Variants in XPOT observed in about 807,000 individuals in gnomAD.
The protein encoded by XPOT is exportin-T.
A neutral mutation model predicts 128.2 loss-of-function variants in XPOT; 34 were observed. The observed-to-expected ratio is 0.27, with a 90% confidence interval of 0.20 to 0.35. The LOEUF is 0.35. Among genes scored for constraint, XPOT ranks in the 10% least tolerant of loss-of-function variants. The pLI is 1.00. For missense variants in XPOT, 838 were observed against 1,125.3 expected (o/e 0.74, Z 3.65); for synonymous variants, 348 against 394.3 (o/e 0.88, Z 1.39).
rs772762082 is a variant in XPOT at position 64,409,991 on chromosome 12, G to C, written c.-45G>C. On this transcript the variant is annotated 5_prime_UTR_variant, in exon 2 of 25. Transcript: ENST00000332707. ...TTATAAATTCTTCTGTGGGATCAGA[G>C]GGCACGCCTATTACAACCAGAAAAC... The C allele has an allele frequency of 6.5e-7, 1 of 1,535,386 alleles. No homozygotes were observed. Among genetic ancestry groups the C allele is most frequent in the Non-Finnish European group, 9.0e-7 (1 of 1,110,406 alleles).
At chr12:64,429,612 T>C (rs2040221368) in intron 16 of XPOT, among the ~76,000 whole-genome samples, 1 of 152,086 alleles carries the variant, frequency 6.6e-6, no homozygotes, top group Non-Finnish European at 1.5e-5. Flanking sequence ...AGCTAATTTT[T>C]GTATTTTTAG....
At chr12:64,438,814 G>C (rs1420225818) in intron 22 of XPOT, among the ~76,000 whole-genome samples, 1 of 151,942 alleles carries the variant, frequency 6.6e-6, no homozygotes, top group African/African-American at 2.4e-5. Context: ...ATTTTTGGTA[G>C]AAACAGGGTT....
At chr12:64,443,932 C>T (rs2040347215) in intron 23 of XPOT, among the ~76,000 whole-genome samples, 1 of 152,076 alleles carries the variant, frequency 6.6e-6, no homozygotes, top group African/African-American at 2.4e-5. Flanking sequence ...TGTAAATAAA[C>T]TCATATTTTA....
chr12:64,418,248 GCT>G (rs1417666991), intron 5 of XPOT, 133 bp downstream of exon 5: 8 of 686,604 alleles, frequency 1.2e-5, no homozygotes, highest in Non-Finnish European at 1.9e-5. Context: ...TTTAAAAGGT[GCT>G]GGTTTTAAAG....
chr12:64,435,553 G>C, intron 21 of XPOT, 74 bp from the exon 22 acceptor site: 1 of 1,274,130 alleles, frequency 7.8e-7, no homozygotes, highest in Non-Finnish European at 1.1e-6. Flanking sequence ...GCAGTGGCCA[G>C]GGTAGTAAAG....
At chr12:64,408,699 A>C (rs1262788447) in intron 1 of XPOT, among the ~76,000 whole-genome samples, 2 of 151,586 alleles carry the variant, frequency 1.3e-5, no homozygotes, top group Admixed American at 6.6e-5. Flanking sequence ...TTTGAGATGG[A>C]ATCTCACTCT....
intron 18 of XPOT, 129 bp downstream of exon 18, chr12:64,431,952 A>G: frequency 1.1e-6 from 1 of 901,646 alleles, no homozygotes; most frequent in Non-Finnish European, 1.7e-6. Context: ...AGCCTCATGG[A>G]TCATATGTAT....
intron 22 of XPOT, among the ~76,000 whole-genome samples, chr12:64,436,413 C>G (rs2040282545): frequency 6.6e-6 from 1 of 151,922 alleles, no homozygotes. Flanking sequence ...ATGCATGCTA[C>G]CACACCTGGC....
Position 64,431,592 on chromosome 12 carries a change from C to A in XPOT, c.2031C>A (p.Ser677=). The A allele has an allele frequency of 6.2e-7, 1 of 1,613,870 alleles. No homozygotes were observed. The highest frequency in any genetic ancestry group is 8.5e-7 in the Non-Finnish European group (1 of 1,179,830). The stretch of plus-strand genomic sequence containing the variant: ...AGACTGTGAAACAATGTGGCTGTTC[C>A]GAAGTTTATCTGGACTGTTTACAGA... The part of the protein sequence containing the change: ...NKQTVKQCGC[S]EVYLDCLQTF... Residue 677 remains serine, a synonymous_variant, in exon 18 of 25, where the codon TCC becomes TCA. Transcript: ENST00000332707.
At chr12:64,427,661 ATTTTTGTAT>A (rs1185503124) in intron 15 of XPOT, among the ~76,000 whole-genome samples, 1 of 151,758 alleles carries the variant, frequency 6.6e-6, no homozygotes, top group East Asian at 1.9e-4. Flanking sequence ...TGGCCGGCTA[ATTTTTGTAT>A]TTTTTGTAGA....
intron 10 of XPOT, 25 bp from the exon 11 acceptor site, chr12:64,423,157 C>CA: frequency 3.1e-6 from 5 of 1,598,182 alleles, no homozygotes; most frequent in Non-Finnish European, 4.3e-6. Context: ...GACAAAAACT[C>CA]TTTTATTCTC....
chr12:64,424,220 C>T (rs146603713), intron 11 of XPOT, among the ~76,000 whole-genome samples: 1 of 152,224 alleles, frequency 6.6e-6, no homozygotes, highest in African/African-American at 2.4e-5. Context: ...AATTCAAAGC[C>T]CATTCTAGTG....
chr12:64,410,776 A>T (rs1335234594), intron 2 of XPOT, among the ~76,000 whole-genome samples: 1 of 152,240 alleles, frequency 6.6e-6, no homozygotes, highest in Non-Finnish European at 1.5e-5. Context: ...AATATAATGT[A>T]GCCTACAACT....
chr12:64,448,028 G>C, intron 24 of XPOT, 77 bp from the exon 25 acceptor site: 2 of 1,317,492 alleles, frequency 1.5e-6, no homozygotes, highest in East Asian at 2.3e-5. Flanking sequence ...CTAGCACTCA[G>C]ATACTTGGAG....
intron 24 of XPOT, among the ~76,000 whole-genome samples, chr12:64,447,788 T>C (rs763589715): frequency 2.6e-5 from 4 of 152,190 alleles, no homozygotes; most frequent in Non-Finnish European, 5.9e-5. Flanking sequence ...CAGTGTTAAT[T>C]TGGAAATAGT....
chr12:64,405,957 G>A (rs1284278175), intron 1 of XPOT, among the ~76,000 whole-genome samples: 1 of 152,064 alleles, frequency 6.6e-6, no homozygotes, highest in Non-Finnish European at 1.5e-5. Flanking sequence ...CTATGTGGGG[G>A]ATTCTTTCTG....
Position 64,433,453 on chromosome 12 carries a change from C to A in XPOT, c.2302C>A (p.Leu768Met). Residue 768 changes from leucine to methionine, a missense_variant, in exon 19 of 25, where the codon CTG becomes ATG. Leu to Met is a conservative substitution (Grantham distance 15). Coordinates refer to ENST00000332707, the MANE Select transcript of XPOT (RefSeq NM_007235.6). ...SPFLQQMFMP[L>M]LHAIFEVLLR... The stretch of plus-strand genomic sequence containing the variant: ...GTTTTTACAACAGATGTTCATGCCC[C>A]TGCTTCATGCAATTTTTGAAGTGCT... The A allele has an allele frequency of 6.3e-7, 1 of 1,599,758 alleles. No homozygotes were observed. Among genetic ancestry groups the A allele is most frequent in the Non-Finnish European group, 8.5e-7 (1 of 1,170,820 alleles).
chr12:64,428,905 CAGAA>C (rs894400059), intron 16 of XPOT, among the ~76,000 whole-genome samples: 2 of 152,140 alleles, frequency 1.3e-5, no homozygotes, highest in African/African-American at 4.8e-5. Flanking sequence ...ATTCATAAAT[CAGAA>C]AGCAAAATGT....
chr12:64,421,219 T>C lies in XPOT; in HGVS notation c.844-16T>C, dbSNP rs1367463431. ...GCAGGCAGTTTTAAACAGAGATGTG[T>C]CTTGATTGCTTATAGGAAGAAGATG... On this transcript the variant is annotated splice_polypyrimidine_tract_variant and intron_variant, in intron 8 of 24. Coordinates refer to ENST00000332707, the MANE Select transcript of XPOT (RefSeq NM_007235.6). 6.3e-7 allele frequency: 1 copy of C among 1,595,060 alleles called. No homozygotes were observed. Among genetic ancestry groups the C allele is most frequent in the Non-Finnish European group, 8.6e-7 (1 of 1,162,934 alleles).
Sources: gnomAD v4.1 joint callset for allele counts (sites outside exome capture counted in the v4.1 genomes callset) on GRCh38, gnomAD v4.1.1 for gene constraint, MANE v1.5 for transcripts, NCBI Gene and HGNC (gene_info 2026-07-23, HGNC 2026-07-21) for gene names.